Variants in BRWD1 observed in about 807,000 individuals in gnomAD.
BRWD1 encodes bromodomain and WD repeat domain containing 1.
A neutral mutation model predicts 251.2 loss-of-function variants in BRWD1; 82 were observed. The observed-to-expected ratio is 0.33, with a 90% CI of 0.27 to 0.39. BRWD1 has a LOEUF of 0.39. Ranked by LOEUF, BRWD1 falls within the 10% of genes least tolerant of loss-of-function variation. BRWD1 has a pLI of 1.00. For synonymous variants in BRWD1, 918 were observed against 902.8 expected (o/e 1.02, Z -0.30); for missense variants, 2,233 against 2,711.6 (o/e 0.82, Z 3.92).
intron 4 of BRWD1, among the ~76,000 whole-genome samples, chr21:39,299,579 G>A (rs908352874): frequency 6.6e-6 from 1 of 152,024 alleles, no homozygotes; most frequent in Non-Finnish European, 1.5e-5. Flanking sequence ...ATGAGAATAG[G>A]CTGGATAAAC....
chr21:39,298,624 T>G, intron 4 of BRWD1, 42 bp from the exon 5 acceptor site: 1 of 1,475,586 alleles, frequency 6.8e-7, no homozygotes, highest in Non-Finnish European at 9.1e-7. Flanking sequence ...CTTAATAATA[T>G]CAAAAACTAT....
intron 38 of BRWD1, 53 bp from the exon 39 acceptor site, chr21:39,200,439 A>G (rs986839598): frequency 6.8e-7 from 1 of 1,472,158 alleles, no homozygotes; most frequent in South Asian, 1.3e-5. Context: ...CTTTACACAC[A>G]TAAGCAAGCA....
intron 8 of BRWD1, among the ~76,000 whole-genome samples, chr21:39,281,793 G>A (rs146176675): frequency 1.1e-3 from 160 of 151,536 alleles, no homozygotes; most frequent in African/African-American, 3.7e-3. Flanking sequence ...GCTTGAATCC[G>A]GGAGGCAAAG....
At chr21:39,314,440 G>A, upstream of BRWD1, 2 of 420,156 alleles carry the variant, frequency 4.8e-6, no homozygotes, top group South Asian at 1.7e-5. Context: ...GGGACTGTGG[G>A]GAGAGGGTGG....
chr21:39,297,171 T>C, intron 5 of BRWD1: 1 of 985,406 alleles, frequency 1.0e-6, no homozygotes, highest in Non-Finnish European at 1.2e-6. Context: ...AACATAGGTT[T>C]GAAGCAGTCA....
At chr21:39,305,949 A>G (rs1432489164) in intron 4 of BRWD1, among the ~76,000 whole-genome samples, 1 of 151,568 alleles carries the variant, frequency 6.6e-6, no homozygotes, top group Non-Finnish European at 1.5e-5. Flanking sequence ...CGGGAGGATC[A>G]CCTGTGCCCA....
intron 8 of BRWD1, among the ~76,000 whole-genome samples, chr21:39,292,116 G>T (rs1466204411): frequency 7.1e-4 from 32 of 44,846 alleles, no homozygotes; most frequent in African/African-American, 1.9e-3. Context: ...TATTTTTTGT[G>T]GGGGGTGGGT....
At chr21:39,243,203 T>C (rs997382746) in intron 21 of BRWD1, among the ~76,000 whole-genome samples, 6 of 152,182 alleles carry the variant, frequency 3.9e-5, no homozygotes, top group African/African-American at 1.4e-4. Flanking sequence ...TTTTCTGTCA[T>C]ATTACTGCCA....
At chr21:39,313,027 C>T in intron 3 of BRWD1, 45 bp downstream of exon 3, 2 of 1,304,020 alleles carry the variant, frequency 1.5e-6, no homozygotes, top group Non-Finnish European at 1.9e-6. Flanking sequence ...AGGGCAAGGT[C>T]GGCAGGAGGA....
chr21:39,214,459 A>T (rs2032797420), intron 32 of BRWD1, among the ~76,000 whole-genome samples: 1 of 152,206 alleles, frequency 6.6e-6, no homozygotes, highest in Non-Finnish European at 1.5e-5. Context: ...AATAAGTAAC[A>T]TTCATAAAAA....
chr21:39,199,215 T>A lies in BRWD1; in HGVS notation c.5201A>T (p.His1734Leu), dbSNP rs150498517. 311 of 1,614,040 alleles carry A rather than the reference T, an allele frequency of 1.9e-4. 1 individual carries two copies. The highest frequency in any genetic ancestry group is 2.4e-4 in the Non-Finnish European group (285 of 1,180,026). ...SDLRVARKNW[H>L]ANGYKSHTPA... ...AGTATGGGACTTGTAACCATTAGCATGCCAATTTTTCCGGGCTACCCGCAA... is the reference window on the plus strand; with the variant it reads ...AGTATGGGACTTGTAACCATTAGCAAGCCAATTTTTCCGGGCTACCCGCAA... Residue 1734 changes from histidine to leucine, a missense_variant, in exon 40 of 41, where the codon CAT (histidine) becomes CTT (leucine). By Grantham distance (99) the His-to-Leu change is moderately conservative. This residue lies in a region of BRWD1 where 928 missense variants were observed against 970.0 expected (regional missense o/e 0.96). Transcript: ENST00000342449.
Position 39,238,585 on chromosome 21 carries a change from AG to A in BRWD1, c.2482-13del, listed in dbSNP as rs149041539. ...TCACAGGAAGTCTCCTAATTTGTGA[AG>A]GGGGGAAAAAAATCTTGATCCCTGA... On this transcript the variant is annotated splice_polypyrimidine_tract_variant and intron_variant, in intron 21 of 40. Transcript: ENST00000342449. 7 of 1,596,022 alleles carry A rather than the reference AG, an allele frequency of 4.4e-6. No individual in the cohort carries two copies. Among genetic ancestry groups the A allele is most frequent in the South Asian group, 1.1e-5 (1 of 90,288 alleles).
intron 17 of BRWD1, among the ~76,000 whole-genome samples, chr21:39,260,796 G>A (rs562146374): frequency 1.3e-5 from 2 of 152,316 alleles, no homozygotes; most frequent in East Asian, 1.9e-4. Context: ...ATCTAACTGA[G>A]TTGAGGAGAC....
rs7275498 is a variant in BRWD1, at chr21:39,232,584, A to C, written c.2767-86T>G. 3.1e-4 allele frequency: 458 copies of C among 1,468,998 alleles called. 2 individuals are homozygous for C. In the African/African-American group the frequency reaches 6.2e-3, roughly 20 times the overall value. The allele number at this position is 1,468,998 out of a possible 1,614,324, so 91.0% of individuals were successfully genotyped here. On this transcript the variant is annotated intron_variant, in intron 23 of 40. Coordinates refer to ENST00000342449, the MANE Select transcript of BRWD1 (RefSeq NM_033656.4). ...ATGAAAAATAAAAGAAACTTTCACC[A>C]TTCAGAATGACTATTTTTGCCATGT...
rs759737617 is a variant in BRWD1, at chr21:39,199,371, T to C, written c.5045A>G (p.Gln1682Arg). ...KKLLHNSEDE[Q>R]SLKSEIEEEE... ...TTCTTCAATTTCTGACTTTAAGCTC[T>C]GTTCATCTTCAGAATTATGTAATAA... Residue 1682 changes from glutamine (Q) to arginine (R), a missense_variant, in exon 40 of 41, where the codon CAG (glutamine) becomes CGG (arginine). Coordinates refer to ENST00000342449, the MANE Select transcript of BRWD1 (RefSeq NM_033656.4). 24 of 1,614,248 alleles carry C rather than the reference T, an allele frequency of 1.5e-5. No individual in the cohort carries two copies. In the South Asian group the frequency reaches 2.6e-4, roughly 18 times the overall value.
chr21:39,240,017 T>C (rs2033934853), intron 21 of BRWD1, among the ~76,000 whole-genome samples: 1 of 152,000 alleles, frequency 6.6e-6, no homozygotes, highest in African/African-American at 2.4e-5. Flanking sequence ...CTGATAAAAC[T>C]ATGGTATATC....
intron 30 of BRWD1, 110 bp downstream of exon 30, chr21:39,218,395 A>G: frequency 7.0e-7 from 1 of 1,434,994 alleles, no homozygotes; most frequent in East Asian, 2.3e-5. Flanking sequence ...AAAGATAACC[A>G]ATACAAAGTG....
chr21:39,196,502 T>C lies in BRWD1; in HGVS notation c.6567A>G (p.Arg2189=). Residue 2189 remains arginine, a synonymous_variant, in exon 41 of 41, where the codon AGA becomes AGG. Transcript: ENST00000342449. ...TGTTAGCTGTAAAAGTTTTACCTTT[T>C]CTAACTACTTTTGCTTTTCCTTTCG... ...RKTKGKAKVV[R]KGKTFTANIS... 6.2e-7 allele frequency: 1 copy of C among 1,613,662 alleles called. No individual in the cohort carries two copies.
rs762187443 is a variant in BRWD1 at position 39,195,227 on chromosome 21, A to C, written c.*1032T>G. 321 of 1,036,168 alleles carry C rather than the reference A, an allele frequency of 3.1e-4. No homozygotes were observed. Among genetic ancestry groups the C allele is most frequent in the Non-Finnish European group, 3.6e-4 (313 of 861,986 alleles). 64.2% of individuals were successfully genotyped at this position (1,036,168 alleles called of 1,614,324 possible). On this transcript the variant is annotated 3_prime_UTR_variant, in exon 41 of 41. Transcript: ENST00000342449. ...AACTAAAACAAAGAGATGGAGAATG[A>C]CATTTAGCTATTTTCCTATATAGAT...
Sources: allele counts gnomAD v4.1 joint callset (sites outside exome capture counted in the v4.1 genomes callset), GRCh38; gene constraint gnomAD v4.1.1; regional missense constraint gnomAD v4.1.1; transcripts MANE v1.5; gene names NCBI Gene and HGNC (gene_info 2026-07-23, HGNC 2026-07-21).